Variants in ATRIP observed in about 807,000 individuals in gnomAD.
ATRIP encodes ATR-interacting protein.
Under a neutral mutation model 78.1 loss-of-function variants are expected in ATRIP, and 44 were observed. The observed-to-expected ratio is 0.56, with a 90% confidence interval of 0.44 to 0.72. ATRIP has a LOEUF of 0.72. ATRIP is among the 30% of genes least tolerant of loss of function. The pLI is 0.00. For missense variants in ATRIP, 927 were observed against 980.2 expected, an observed-to-expected ratio of 0.95 and a Z score of 0.72; for synonymous variants, 388 against 408.9, an observed-to-expected ratio of 0.95 and a Z score of 0.62.
At chr3:48,450,597 T>C in intron 2 of ATRIP, 1 of 1,222,108 alleles carries the variant, frequency 8.2e-7, no homozygotes, top group Non-Finnish European at 1.1e-6. Context: ...AGATTTTTTT[T>C]TTTTTTTTTT....
intron 8 of ATRIP, among the ~76,000 whole-genome samples, chr3:48,463,375 G>T (rs1380132209): frequency 6.6e-6 from 1 of 152,076 alleles, no homozygotes; most frequent in East Asian, 1.9e-4. Context: ...GGCCTGGTCA[G>T]TCCTTCTGTG....
At chr3:48,450,376 A>G in intron 2 of ATRIP, 1 of 991,434 alleles carries the variant, frequency 1.0e-6, no homozygotes, top group East Asian at 3.3e-5. Flanking sequence ...AAGAAGAAAA[A>G]CACTGTATAC....
In ATRIP at chr3:48,467,619, A is replaced by C; in HGVS notation, c.*2065A>C. 1 of 1,605,466 alleles carries C rather than the reference A, an allele frequency of 6.2e-7. No individual in the cohort carries two copies. The highest frequency in any genetic ancestry group is 1.7e-4 in the Middle Eastern group (1 of 6,020). On this transcript the variant is annotated 3_prime_UTR_variant, in exon 13 of 13. Coordinates refer to ENST00000320211, the MANE Select transcript of ATRIP (RefSeq NM_130384.3). ...GGAGTAGGCCAAGAAGGAAAATCTG[A>C]CGAATAAAGACCCCCGCTGCCCCAT... is the stretch of plus-strand genomic sequence containing the variant.
At chr3:48,449,854 C>G (rs1267164785) in intron 1 of ATRIP, among the ~76,000 whole-genome samples, 183 bp from the exon 2 acceptor site, 1 of 149,238 alleles carries the variant, frequency 6.7e-6, no homozygotes, top group African/African-American at 2.5e-5. Flanking sequence ...AGGAGGATCA[C>G]TTGAACCCAG....
At chr3:48,461,864 C>T (rs981318701) in intron 8 of ATRIP, among the ~76,000 whole-genome samples, 2 of 152,194 alleles carry the variant, frequency 1.3e-5, no homozygotes, top group African/African-American at 4.8e-5. Context: ...GCCACCACAC[C>T]TGGCTAATTT....
rs2040261722 is a variant in ATRIP at position 48,465,564 on chromosome 3, T to G, written c.*10T>G. The G allele has an allele frequency of 1.2e-6, 2 of 1,608,812 alleles. No individual in the cohort carries two copies. The highest frequency in any genetic ancestry group is 1.3e-5 in the African/African-American group (1 of 74,906). On this transcript the variant is annotated 3_prime_UTR_variant, in exon 13 of 13. Transcript: ENST00000320211. Reference sequence around the variant, plus strand: ...GGTGGAGTGTGGCTGAGGCCCTGAGTGTCCAGCCACATGGTGGCACCAGCA... The same window carrying G: ...GGTGGAGTGTGGCTGAGGCCCTGAGGGTCCAGCCACATGGTGGCACCAGCA...
chr3:48,448,706 C>T (rs2039751565), intron 1 of ATRIP, among the ~76,000 whole-genome samples: 1 of 152,220 alleles, frequency 6.6e-6, no homozygotes, highest in Admixed American at 6.5e-5. Flanking sequence ...TCATTCATTT[C>T]CACTCATCTG....
Position 48,451,904 on chromosome 3 carries a change from C to A in ATRIP, c.552+5C>A. On this transcript the variant is annotated splice_donor_5th_base_variant and intron_variant, in intron 3 of 12. Coordinates refer to ENST00000320211, the MANE Select transcript of ATRIP (RefSeq NM_130384.3). ...GAAAAGGAATTCTCCAAAAAGGTGA[C>A]CCAGAGCATTTGTTTTGCACCAGCT... The A allele has an allele frequency of 6.3e-7, 1 of 1,591,992 alleles. No homozygotes were observed.
chr3:48,466,263 G>T lies in ATRIP; in HGVS notation c.*709G>T. The T allele has an allele frequency of 1.6e-6, 1 of 619,838 alleles. No homozygotes were observed. The allele number at this position is 619,838 out of a possible 1,614,324, so 38.4% of individuals were successfully genotyped here. ...CCACTGCTGCCAGCGAGAGCCGCGG[G>T]AGAGTGTGCAGCCGAGTCACTACTG... On this transcript the variant is annotated 3_prime_UTR_variant, in exon 13 of 13. Transcript: ENST00000320211.
At chr3:48,450,443 T>C in intron 2 of ATRIP, 1 of 1,166,126 alleles carries the variant, frequency 8.6e-7, no homozygotes, top group Non-Finnish European at 1.2e-6. Flanking sequence ...ATAGCATGTA[T>C]CTTCATGTGA....
At chr3:48,458,171 G>C (rs1325929467) in intron 5 of ATRIP, among the ~76,000 whole-genome samples, 1 of 147,992 alleles carries the variant, frequency 6.8e-6, no homozygotes, top group African/African-American at 2.5e-5. Context: ...TCCGCCTCCC[G>C]GGTTCAAGTG....
chr3:48,454,260 A>T, intron 3 of ATRIP, 40 bp from the exon 4 acceptor site: 1 of 1,205,660 alleles, frequency 8.3e-7, no homozygotes, highest in Non-Finnish European at 1.2e-6. Flanking sequence ...TTTTGTGTAT[A>T]TGATGGGACC....
chr3:48,457,652 A>G (rs992449396), intron 5 of ATRIP, among the ~76,000 whole-genome samples: 3 of 152,150 alleles, frequency 2.0e-5, no homozygotes, highest in Non-Finnish European at 2.9e-5. Flanking sequence ...GCCTCTGCAC[A>G]TGGATATGGG....
At chr3:48,447,997 T>A (rs1239400746) in intron 1 of ATRIP, among the ~76,000 whole-genome samples, 1 of 152,218 alleles carries the variant, frequency 6.6e-6, no homozygotes, top group African/African-American at 2.4e-5. Flanking sequence ...TTCTACCAGC[T>A]GCCTGATCTG....
intron 4 of ATRIP, 93 bp downstream of exon 4, chr3:48,454,511 T>C (rs115192890): frequency 1.2e-6 from 1 of 866,748 alleles, no homozygotes; most frequent in African/African-American, 1.7e-5. Context: ...GAAGGCCATT[T>C]AGACCCCTCC....
intron 1 of ATRIP, 39 bp from the exon 2 acceptor site, chr3:48,449,998 T>C (rs1339070195): frequency 6.6e-7 from 1 of 1,520,240 alleles, no homozygotes; most frequent in Non-Finnish European, 8.8e-7. Flanking sequence ...AGTGGGAAAA[T>C]ATTGGGTCCT....
chr3:48,459,801 A>G lies in ATRIP; in HGVS notation c.940A>G (p.Asn314Asp). ...GTCTTCTGCAGGTTCCATTTTGATA[A>G]ACCTGCTCCTGAAGCAGCCTTTGAT... Reference protein sequence around the residue: ...RSNTQGSILINLLLKQPLIPG... With the variant: ...RSNTQGSILIDLLLKQPLIPG... The change falls in exon 7 of 13, where the codon AAC becomes GAC. Residue 314 changes from asparagine (N) to aspartate (D), a missense_variant. Transcript: ENST00000320211. 6.2e-7 allele frequency: 1 copy of G among 1,612,046 alleles called. No individual in the cohort carries two copies. The highest frequency in any genetic ancestry group is 8.5e-7 in the Non-Finnish European group (1 of 1,179,414).
Position 48,464,079 on chromosome 3 carries a change from T to A in ATRIP, c.1921T>A (p.Ser641Thr). The part of the protein sequence containing the change: ...LLLLLYMYIT[S>T]RPDRVALETQ... Reference sequence around the variant, plus strand: ...GCTGCTGCTGTACATGTACATCACATCACGGCCTGACAGAGTGGCCTTGGA... The same window carrying A: ...GCTGCTGCTGTACATGTACATCACAACACGGCCTGACAGAGTGGCCTTGGA... The change falls in exon 10 of 13, where the codon TCA (serine) becomes ACA (threonine). Residue 641 changes from serine (S) to threonine (T), a missense_variant. Physicochemically the swap from Ser to Thr is moderately conservative, Grantham distance 58. Transcript: ENST00000320211. 6.2e-7 allele frequency: 1 copy of A among 1,613,874 alleles called. No homozygotes were observed. Among genetic ancestry groups the A allele is most frequent in the Non-Finnish European group, 8.5e-7 (1 of 1,180,022 alleles).
In ATRIP at chr3:48,465,003, A is replaced by G; in HGVS notation, c.2228A>G (p.Glu743Gly). 1 of 1,614,046 alleles carries G rather than the reference A, an allele frequency of 6.2e-7. No individual in the cohort carries two copies. The highest frequency in any genetic ancestry group is 8.5e-7 in the Non-Finnish European group (1 of 1,180,018). The change falls in exon 12 of 13, where the codon GAG (glutamate) becomes GGG (glycine). Residue 743 changes from glutamate (E) to glycine (G), a missense_variant. Transcript: ENST00000320211. The part of the protein sequence containing the change: ...KDKLFMMHCV[E>G]VLHQFDQVMP... ...AAGCTCTTCATGATGCACTGCGTGGAGGTCCTGCATCAGTTTGACCAGGTG... is the reference window on the plus strand; with the variant it reads ...AAGCTCTTCATGATGCACTGCGTGGGGGTCCTGCATCAGTTTGACCAGGTG...
Sources: allele counts gnomAD v4.1 joint callset (sites outside exome capture counted in the v4.1 genomes callset), GRCh38; gene constraint gnomAD v4.1.1; transcripts MANE v1.5; gene names NCBI Gene and HGNC (gene_info 2026-07-23, HGNC 2026-07-21).